ZBTB20: variants seen among roughly 807,000 people sequenced by gnomAD.
ZBTB20 encodes zinc finger and BTB domain-containing protein 20.
Under a neutral mutation model 56.9 loss-of-function variants are expected in ZBTB20, and 9 were observed. That is an observed-to-expected ratio of 0.16 (90% CI 0.10 to 0.28). The LOEUF (loss-of-function observed/expected upper bound fraction) is 0.28. ZBTB20 is among the 10% of genes least tolerant of loss of function. The pLI is 1.00. For missense variants in ZBTB20, 655 were observed against 1,003.0 expected (o/e 0.65, Z 4.69); for synonymous variants, 417 against 420.7 (o/e 0.99, Z 0.11).
chr3:114,593,843 C>T (rs945077620), intron 6 of ZBTB20, among the ~76,000 whole-genome samples: 2 of 152,136 alleles, frequency 1.3e-5, no homozygotes, highest in Non-Finnish European at 2.9e-5. Flanking sequence ...AACTCATCTC[C>T]GTAATATAGT....
chr3:114,844,918 G>A (rs1272064623), intron 4 of ZBTB20, among the ~76,000 whole-genome samples: 2 of 123,194 alleles, frequency 1.6e-5, no homozygotes, highest in African/African-American at 6.2e-5. Context: ...TAAATAATAT[G>A]TTGTATATTA....
intron 1 of ZBTB20, among the ~76,000 whole-genome samples, chr3:115,085,832 T>G (rs2082965919): frequency 6.6e-6 from 1 of 151,904 alleles, no homozygotes; most frequent in Admixed American, 6.6e-5. Context: ...ACTAGAAATT[T>G]TTTTATGGTC....
At chr3:114,430,211 G>A (rs923628744) in intron 7 of ZBTB20, among the ~76,000 whole-genome samples, 1 of 152,196 alleles carries the variant, frequency 6.6e-6, no homozygotes, top group Non-Finnish European at 1.5e-5. Context: ...GATAACATGT[G>A]AGTGCCTACT....
intron 1 of ZBTB20, among the ~76,000 whole-genome samples, chr3:115,081,985 C>T (rs1197171549): frequency 6.6e-6 from 1 of 152,082 alleles, no homozygotes; most frequent in Non-Finnish European, 1.5e-5. Flanking sequence ...AAAATAAATA[C>T]TATATTCACA....
chr3:114,522,718 A>T (rs2046780070), intron 6 of ZBTB20, among the ~76,000 whole-genome samples: 1 of 152,108 alleles, frequency 6.6e-6, no homozygotes, highest in Non-Finnish European at 1.5e-5. Flanking sequence ...GGATTTGTTC[A>T]ATGGTTGGGT....
In ZBTB20 at chr3:114,318,837, G is replaced by T. The variant is rs1426535097; in HGVS notation, c.*20168C>A. On this transcript the variant is annotated 3_prime_UTR_variant, in exon 12 of 12. Transcript: ENST00000675478. ...TGGCAAGGCTAAGGCAGGGGGTAGG[G>T]GGAAGAGAAAAGGGGTTTCCCATAA... 1 of 152,152 alleles carries T rather than the reference G, an allele frequency of 6.6e-6. No homozygotes were observed. Among genetic ancestry groups the T allele is most frequent in the African/African-American group, 2.4e-5 (1 of 41,420 alleles). The allele number at this position is 152,152 out of a possible 1,614,324, so 9.4% of individuals were successfully genotyped here. A position where few individuals can be genotyped will look rare whatever the true frequency, so the allele number is the denominator to read the frequency against.
intron 7 of ZBTB20, among the ~76,000 whole-genome samples, chr3:114,489,428 G>A (rs1249948722): frequency 6.6e-6 from 1 of 152,106 alleles, no homozygotes; most frequent in Non-Finnish European, 1.5e-5. Context: ...TCTAGGGCAT[G>A]GTTAGGTAAA....
chr3:114,673,290 AC>A (rs1158496473), intron 6 of ZBTB20, among the ~76,000 whole-genome samples: 1 of 152,112 alleles, frequency 6.6e-6, no homozygotes, highest in Non-Finnish European at 1.5e-5. Flanking sequence ...CACAGGCAGT[AC>A]TTCCGTAGAA....
At chr3:114,705,151 T>C (rs930997336) in intron 5 of ZBTB20, among the ~76,000 whole-genome samples, 2 of 152,170 alleles carry the variant, frequency 1.3e-5, no homozygotes, top group African/African-American at 2.4e-5. Flanking sequence ...CACTTAACTA[T>C]GATGCCTTCC....
intron 6 of ZBTB20, among the ~76,000 whole-genome samples, chr3:114,515,970 A>G (rs1206963462): frequency 2.0e-5 from 3 of 150,668 alleles, no homozygotes; most frequent in Non-Finnish European, 4.4e-5. Context: ...AACCATTACA[A>G]TCTGGTTTCT....
intron 6 of ZBTB20, among the ~76,000 whole-genome samples, chr3:114,567,754 A>G (rs997062637): frequency 1.2e-4 from 18 of 152,248 alleles, no homozygotes; most frequent in Admixed American, 1.0e-3. Flanking sequence ...AACGGAACTG[A>G]CAAAGGAAAC....
At chr3:114,709,843 G>A (rs974615779) in intron 5 of ZBTB20, among the ~76,000 whole-genome samples, 16 of 152,054 alleles carry the variant, frequency 1.1e-4, no homozygotes, top group African/African-American at 1.7e-4. Flanking sequence ...ATGCTAGACC[G>A]GTGTCCTTGT....
At chr3:114,706,635 A>AGT (rs1300774768) in intron 5 of ZBTB20, among the ~76,000 whole-genome samples, 6 of 152,152 alleles carry the variant, frequency 3.9e-5, no homozygotes, top group African/African-American at 1.4e-4. Flanking sequence ...GTTAGTAGAA[A>AGT]GTCTGTTTTT....
intron 1 of ZBTB20, among the ~76,000 whole-genome samples, chr3:115,078,249 A>G (rs1404804281): frequency 1.3e-5 from 2 of 152,202 alleles, no homozygotes; most frequent in Non-Finnish European, 2.9e-5. Flanking sequence ...GCTAATAGAT[A>G]TTCTATGTTG....
At chr3:114,347,248 T>C (rs1350866374) in intron 11 of ZBTB20, among the ~76,000 whole-genome samples, 2 of 152,086 alleles carry the variant, frequency 1.3e-5, no homozygotes, top group African/African-American at 4.8e-5. Flanking sequence ...GCAACTACCA[T>C]CTATATTAAA....
At chr3:114,765,639 C>A (rs1206337947) in intron 5 of ZBTB20, among the ~76,000 whole-genome samples, 2 of 151,996 alleles carry the variant, frequency 1.3e-5, no homozygotes, top group Non-Finnish European at 2.9e-5. Context: ...ATTATGGCAG[C>A]CCTAGGAAAC....
At chr3:114,891,049 T>TA (rs1343567089) in intron 4 of ZBTB20, among the ~76,000 whole-genome samples, 1 of 152,176 alleles carries the variant, frequency 6.6e-6, no homozygotes, top group Non-Finnish European at 1.5e-5. Context: ...CTGCCTCCAC[T>TA]AAATATCTTT....
chr3:114,375,436 T>C (rs2083497166), intron 10 of ZBTB20, among the ~76,000 whole-genome samples: 1 of 152,252 alleles, frequency 6.6e-6, no homozygotes, highest in Non-Finnish European at 1.5e-5. Flanking sequence ...AAAGCCCTCA[T>C]CTTACCTGAT....
chr3:114,789,071 G>T (rs1338934028), intron 5 of ZBTB20, among the ~76,000 whole-genome samples: 1 of 152,154 alleles, frequency 6.6e-6, no homozygotes, highest in Non-Finnish European at 1.5e-5. Flanking sequence ...GGTAGGGACA[G>T]AGCCAAACCA....
Sources: gnomAD v4.1 joint callset for allele counts (sites outside exome capture counted in the v4.1 genomes callset) on GRCh38, gnomAD v4.1.1 for gene constraint, MANE v1.5 for transcripts, NCBI Gene and HGNC (gene_info 2026-07-23, HGNC 2026-07-21) for gene names.